Variants in TMEM132D observed in about 807,000 individuals in gnomAD.
TMEM132D encodes transmembrane protein 132D.
Under a neutral mutation model 62.3 loss-of-function variants are expected in TMEM132D, and 21 were observed. The observed-to-expected ratio is 0.34, with a 90% confidence interval of 0.24 to 0.49. TMEM132D has a LOEUF of 0.49. TMEM132D is among the 20% of genes least tolerant of loss of function. TMEM132D has a pLI of 0.99. For missense variants in TMEM132D, 1,346 were observed against 1,402.8 expected (o/e 0.96, Z 0.65); for synonymous variants, 621 against 575.6 (o/e 1.08, Z -1.13).
intron 2 of TMEM132D, among the ~76,000 whole-genome samples, chr12:129,600,708 T>C (rs769659408): frequency 6.6e-6 from 1 of 152,352 alleles, no homozygotes; most frequent in Non-Finnish European, 1.5e-5. Flanking sequence ...AGGTGTATTG[T>C]CAGTGAGCAG....
intron 2 of TMEM132D, among the ~76,000 whole-genome samples, chr12:129,550,906 T>C (rs1876876751): frequency 6.6e-6 from 1 of 152,156 alleles, no homozygotes; most frequent in Admixed American, 6.5e-5. Flanking sequence ...GAAGTCACAC[T>C]ATGAGGCTGT....
chr12:129,762,048 G>C (rs1200309880), intron 1 of TMEM132D, among the ~76,000 whole-genome samples: 1 of 152,148 alleles, frequency 6.6e-6, no homozygotes, highest in African/African-American at 2.4e-5. Flanking sequence ...ATAAAGATGA[G>C]ACATGAAGAA....
At chr12:129,156,519 T>C (rs1877250849) in intron 5 of TMEM132D, among the ~76,000 whole-genome samples, 1 of 152,092 alleles carries the variant, frequency 6.6e-6, no homozygotes, top group Non-Finnish European at 1.5e-5. Flanking sequence ...ACTCCCAAGA[T>C]AGCTATTCCG....
At chr12:129,733,357 T>A (rs1362029718) in intron 1 of TMEM132D, among the ~76,000 whole-genome samples, 1 of 152,140 alleles carries the variant, frequency 6.6e-6, no homozygotes, top group Admixed American at 6.5e-5. Context: ...GTCACCCAGC[T>A]GGTGACAGAG....
At chr12:129,144,889 T>A (rs1484904359) in intron 5 of TMEM132D, among the ~76,000 whole-genome samples, 1 of 143,566 alleles carries the variant, frequency 7.0e-6, no homozygotes, top group Non-Finnish European at 1.6e-5. Flanking sequence ...ATTCACCTAT[T>A]ATCTATCCTG....
intron 5 of TMEM132D, among the ~76,000 whole-genome samples, chr12:129,130,972 G>C (rs903314104): frequency 2.0e-5 from 3 of 152,182 alleles, no homozygotes; most frequent in East Asian, 3.9e-4. Context: ...TGATTCAACC[G>C]GGCAGTGGTG....
chr12:129,165,674 T>C (rs1877523610), intron 5 of TMEM132D, among the ~76,000 whole-genome samples: 1 of 123,110 alleles, frequency 8.1e-6, no homozygotes, highest in Non-Finnish European at 1.9e-5. Context: ...GTGTCAAACA[T>C]TTCTTCTTTT....
At chr12:129,838,063 T>G (rs1419038708) in intron 1 of TMEM132D, among the ~76,000 whole-genome samples, 1 of 152,244 alleles carries the variant, frequency 6.6e-6, no homozygotes, top group Non-Finnish European at 1.5e-5. Context: ...GACGTTTTCA[T>G]GCACCAATAA....
At chr12:129,234,760 A>G (rs1879733842) in intron 4 of TMEM132D, among the ~76,000 whole-genome samples, 1 of 152,238 alleles carries the variant, frequency 6.6e-6, no homozygotes, top group Admixed American at 6.5e-5. Flanking sequence ...TGATAGAAAT[A>G]TAAGTACTAT....
chr12:129,712,068 G>A (rs1358173433), intron 1 of TMEM132D, among the ~76,000 whole-genome samples: 1 of 151,786 alleles, frequency 6.6e-6, no homozygotes, highest in Non-Finnish European at 1.5e-5. Flanking sequence ...TCTGTGGCAG[G>A]AACAAAAAGC....
intron 3 of TMEM132D, among the ~76,000 whole-genome samples, chr12:129,496,785 G>C (rs1874972048): frequency 6.6e-6 from 1 of 152,112 alleles, no homozygotes; most frequent in Non-Finnish European, 1.5e-5. Flanking sequence ...TGCAGAAGAC[G>C]ATTGACAATC....
chr12:129,722,906 A>AT (rs1002741923), intron 1 of TMEM132D, among the ~76,000 whole-genome samples: 2 of 151,526 alleles, frequency 1.3e-5, no homozygotes, highest in South Asian at 2.1e-4. Context: ...CATCCAGCTA[A>AT]TTTTTTTGTA....
chr12:129,218,717 C>T (rs1879275304), intron 4 of TMEM132D, among the ~76,000 whole-genome samples: 2 of 152,170 alleles, frequency 1.3e-5, no homozygotes, highest in South Asian at 4.1e-4. Flanking sequence ...GAGATGCAAA[C>T]TTTTTGTTTC....
intron 1 of TMEM132D, among the ~76,000 whole-genome samples, chr12:129,899,048 A>G (rs1875243952): frequency 6.6e-6 from 1 of 152,224 alleles, no homozygotes; most frequent in African/African-American, 2.4e-5. Flanking sequence ...ACACTTAGAA[A>G]TAGTTCCTGC....
At chr12:129,177,027 G>C (rs574892757) in intron 5 of TMEM132D, among the ~76,000 whole-genome samples, 1 of 152,284 alleles carries the variant, frequency 6.6e-6, no homozygotes, top group East Asian at 1.9e-4. Flanking sequence ...TTTGGTGCAT[G>C]GCTTGAAAAT....
intron 5 of TMEM132D, among the ~76,000 whole-genome samples, chr12:129,166,258 G>A (rs899952323): frequency 2.6e-5 from 4 of 152,166 alleles, no homozygotes; most frequent in Admixed American, 6.5e-5. Flanking sequence ...TGAGTGTTGC[G>A]GCTACAATGG....
intron 1 of TMEM132D, among the ~76,000 whole-genome samples, chr12:129,824,535 T>C (rs1288041928): frequency 1.3e-5 from 2 of 151,292 alleles, no homozygotes; most frequent in South Asian, 2.1e-4. Context: ...TTAGATGAGG[T>C]CACAACGGTG....
At chr12:129,436,661 C>G (rs1332686763) in intron 3 of TMEM132D, among the ~76,000 whole-genome samples, 1 of 152,106 alleles carries the variant, frequency 6.6e-6, no homozygotes, top group Admixed American at 6.5e-5. Flanking sequence ...GCCTTTGTAT[C>G]CACATGAACA....
chr12:129,870,392 C>T (rs1874202358), intron 1 of TMEM132D, among the ~76,000 whole-genome samples: 1 of 152,166 alleles, frequency 6.6e-6, no homozygotes, highest in East Asian at 1.9e-4. Context: ...TTCCACTCCC[C>T]AAACCCCTGA....
Sources: gnomAD v4.1 joint callset for allele counts (sites outside exome capture counted in the v4.1 genomes callset) on GRCh38, gnomAD v4.1.1 for gene constraint, MANE v1.5 for transcripts, NCBI Gene and HGNC (gene_info 2026-07-23, HGNC 2026-07-21) for gene names.